Variants in TMEM38A observed in about 807,000 individuals in gnomAD.
TMEM38A encodes the protein trimeric intracellular cation channel type A.
A neutral mutation model predicts 28.6 loss-of-function variants in TMEM38A; 17 were observed. The ratio of observed to expected loss-of-function variants is 0.60; its 90% CI spans 0.41 to 0.89. The LOEUF is 0.89. Ranked by LOEUF, TMEM38A falls within the 40% of genes least tolerant of loss-of-function variation. TMEM38A has a pLI of 0.00. For missense variants in TMEM38A, 328 were observed against 393.1 expected, an observed-to-expected ratio of 0.83 and a Z score of 1.40; for synonymous variants, 169 against 166.1, an observed-to-expected ratio of 1.02 and a Z score of -0.14.
chr19:16,674,244 G>A (rs2086740093), intron 1 of TMEM38A, among the ~76,000 whole-genome samples: 1 of 151,812 alleles, frequency 6.6e-6, no homozygotes, highest in Non-Finnish European at 1.5e-5. Flanking sequence ...ACTTAGCTAG[G>A]CGTGGTGGCA....
At position 16,680,148 on chromosome 19, in the gene TMEM38A, A is replaced by G. The variant is rs758382304; in HGVS notation, c.281+8A>G. The G allele has an allele frequency of 6.2e-6, 10 of 1,606,292 alleles. No homozygotes were observed. Among genetic ancestry groups the G allele is most frequent in the Admixed American group, 1.7e-5 (1 of 59,944 alleles). ...GCTGGCCTCAGCTGTCTGGTAAGCCATGCTGGGCATGGGAGAGCAGAGCCG... is the reference window on the plus strand; with the variant it reads ...GCTGGCCTCAGCTGTCTGGTAAGCCGTGCTGGGCATGGGAGAGCAGAGCCG... On this transcript the variant is annotated splice_region_variant and intron_variant, in intron 2 of 5. Transcript: ENST00000187762.
chr19:16,661,778 CACTGCGCTGGGG>C lies in TMEM38A; in HGVS notation c.124+438_124+449del, dbSNP rs1365865926. ...GCGCCAGCGGAGTGTCTATAAGGGC[CACTGCGCTGGGG>C]GCTGCGGTCAGGTTCAGCGAAAGTG... On this transcript the variant is annotated intron_variant, in intron 1 of 5. Coordinates refer to ENST00000187762, the MANE Select transcript of TMEM38A (RefSeq NM_024074.4). This position sits in a 1 kb window ranked among gnomAD's most constrained non-coding sequence, Gnocchi z 6.5. Among the ~76,000 whole-genome samples the C allele has an allele frequency of 6.6e-6, 1 of 151,774 alleles. No homozygotes were observed. Among genetic ancestry groups the C allele is most frequent in the Non-Finnish European group, 1.5e-5 (1 of 67,998 alleles).
chr19:16,675,215 A>G (rs1054409754), intron 1 of TMEM38A, among the ~76,000 whole-genome samples: 3 of 152,100 alleles, frequency 2.0e-5, no homozygotes, highest in African/African-American at 7.2e-5. Flanking sequence ...AGCAGAGAGC[A>G]GCAGGCTTTC....
At chr19:16,662,732 G>T (rs2086687621) in intron 1 of TMEM38A, among the ~76,000 whole-genome samples, 1 of 151,856 alleles carries the variant, frequency 6.6e-6, no homozygotes, top group Admixed American at 6.6e-5. Flanking sequence ...GATTACAGAC[G>T]TGAGCCACTG....
intron 1 of TMEM38A, among the ~76,000 whole-genome samples, chr19:16,677,810 A>T (rs2086759007): frequency 6.6e-6 from 1 of 152,166 alleles, no homozygotes; most frequent in African/African-American, 2.4e-5. Context: ...TACGTGGCTC[A>T]GCCTCCCAGA....
chr19:16,667,527 C>T (rs1353884740), intron 1 of TMEM38A, among the ~76,000 whole-genome samples: 1 of 152,114 alleles, frequency 6.6e-6, no homozygotes, highest in African/African-American at 2.4e-5. Flanking sequence ...ACTTCTCAAA[C>T]TCACCTACAC....
intron 1 of TMEM38A, among the ~76,000 whole-genome samples, chr19:16,678,427 CAAA>C (rs58580381): frequency 7.7e-5 from 5 of 64,776 alleles, no homozygotes; most frequent in East Asian, 8.2e-4. Flanking sequence ...GACTCTGTCT[CAAA>C]AAAAAAAAAA....
intron 4 of TMEM38A, among the ~76,000 whole-genome samples, chr19:16,685,545 C>G (rs1160027859): frequency 2.0e-5 from 3 of 152,202 alleles, no homozygotes; most frequent in East Asian, 1.9e-4. Flanking sequence ...GTACTGCCAA[C>G]CAGGGAAGCT....
At chr19:16,676,371 G>T (rs2086751586) in intron 1 of TMEM38A, among the ~76,000 whole-genome samples, 1 of 152,158 alleles carries the variant, frequency 6.6e-6, no homozygotes, top group African/African-American at 2.4e-5. Context: ...AAAAAAGAGA[G>T]AGATTACATT....
intron 1 of TMEM38A, among the ~76,000 whole-genome samples, chr19:16,679,143 T>C (rs1431129358): frequency 6.9e-6 from 1 of 145,984 alleles, no homozygotes; most frequent in East Asian, 2.0e-4. Flanking sequence ...AGTGACACTC[T>C]GTTTGAAACA....
chr19:16,661,905 A>G lies in TMEM38A; in HGVS notation c.124+564A>G, dbSNP rs1464254418. ...GCTGAATCTCCGAGCCCCCACGGGAATTCTTCCAGCCCTGGCTCCAGATCC... is the reference window on the plus strand; with the variant it reads ...GCTGAATCTCCGAGCCCCCACGGGAGTTCTTCCAGCCCTGGCTCCAGATCC... On this transcript the variant is annotated intron_variant, in intron 1 of 5. Coordinates refer to ENST00000187762, the MANE Select transcript of TMEM38A (RefSeq NM_024074.4). This position sits in a 1 kb window ranked among gnomAD's most constrained non-coding sequence, Gnocchi z 6.5. Among the ~76,000 whole-genome samples, 1 of 151,902 alleles carries G rather than the reference A, an allele frequency of 6.6e-6. No homozygotes were observed. The highest frequency in any genetic ancestry group is 2.4e-5 in the African/African-American group (1 of 41,354).
chr19:16,680,823 G>GC (rs1356954094), intron 3 of TMEM38A: 1 of 510,742 alleles, frequency 2.0e-6, no homozygotes, highest in Non-Finnish European at 3.6e-6. Flanking sequence ...AGCCAGCATT[G>GC]CCAGAGCAGG....
chr19:16,687,955 G>C (rs2086808386), intron 5 of TMEM38A, among the ~76,000 whole-genome samples, 189 bp from the exon 6 acceptor site: 1 of 152,124 alleles, frequency 6.6e-6, no homozygotes. Context: ...CTGGCATCCT[G>C]GGAAACCTGA....
chr19:16,665,229 G>A (rs2086697998), intron 1 of TMEM38A, among the ~76,000 whole-genome samples: 1 of 152,038 alleles, frequency 6.6e-6, no homozygotes, highest in Non-Finnish European at 1.5e-5. Flanking sequence ...GGGAGGCAGA[G>A]GTTGCGGTGA....
intron 1 of TMEM38A, among the ~76,000 whole-genome samples, chr19:16,673,614 A>G (rs185291639): frequency 8.9e-4 from 135 of 152,322 alleles, no homozygotes; most frequent in Admixed American, 1.7e-3. Context: ...TGCCTCTAAC[A>G]TGGTAATGCC....
chr19:16,677,196 A>G (rs1211845896), intron 1 of TMEM38A, among the ~76,000 whole-genome samples: 1 of 152,168 alleles, frequency 6.6e-6, no homozygotes, highest in African/African-American at 2.4e-5. Flanking sequence ...ATGACTCACA[A>G]GAAGTTGCAA....
intron 1 of TMEM38A, 29 bp from the exon 2 acceptor site, chr19:16,679,955 A>T (rs2086773002): frequency 1.3e-6 from 2 of 1,567,830 alleles, no homozygotes; most frequent in Non-Finnish European, 1.7e-6. Flanking sequence ...CATGCTGGTG[A>T]TGATGGGGGA....
intron 1 of TMEM38A, among the ~76,000 whole-genome samples, chr19:16,675,213 G>A (rs2086745073): frequency 6.6e-6 from 1 of 152,086 alleles, no homozygotes; most frequent in South Asian, 2.1e-4. Flanking sequence ...ACAGCAGAGA[G>A]CAGCAGGCTT....
intron 5 of TMEM38A, among the ~76,000 whole-genome samples, 184 bp from the exon 6 acceptor site, chr19:16,687,960 A>T (rs2086808410): frequency 1.3e-5 from 2 of 152,056 alleles, no homozygotes; most frequent in African/African-American, 4.8e-5. Flanking sequence ...ATCCTGGGAA[A>T]CCTGAGATGG....
Sources: gnomAD v4.1 joint callset for allele counts (sites outside exome capture counted in the v4.1 genomes callset) on GRCh38, gnomAD v4.1.1 for gene constraint, Gnocchi (gnomAD v3.1) non-coding constraint, MANE v1.5 for transcripts, NCBI Gene and HGNC (gene_info 2026-07-23, HGNC 2026-07-21) for gene names.